Variants in NEBL observed in about 807,000 individuals in gnomAD.
NEBL encodes nebulette, also known as LIM and SH3 protein 2.
Under a neutral mutation model 140.2 loss-of-function variants are expected in NEBL, and 122 were observed. The ratio of observed to expected loss-of-function variants is 0.87; its 90% CI spans 0.75 to 1.01. NEBL has a LOEUF of 1.01. Among genes scored for constraint, NEBL ranks in the 50% least tolerant of loss-of-function variants. The pLI is 0.00. For synonymous variants in NEBL, 436 were observed against 398.9 expected, an observed-to-expected ratio of 1.09 and a Z score of -1.11; for missense variants, 1,365 against 1,231.3, an observed-to-expected ratio of 1.11 and a Z score of -1.62.
chr10:21,270,601 C>A (rs1842850344), intron 1 of NEBL, among the ~76,000 whole-genome samples: 1 of 152,158 alleles, frequency 6.6e-6, no homozygotes, highest in African/African-American at 2.4e-5. Context: ...ATCCTGACCT[C>A]AAGTGGTCTG....
chr10:20,810,224 C>G (rs1396318911), intron 24 of NEBL, among the ~76,000 whole-genome samples: 1 of 152,134 alleles, frequency 6.6e-6, no homozygotes, highest in Non-Finnish European at 1.5e-5. Flanking sequence ...ATATGCATCC[C>G]CTCACAGCAC....
chr10:21,037,373 T>A lies in NEBL; in HGVS notation c.165-17172A>T, dbSNP rs184278641. Among the ~76,000 whole-genome samples the A allele has an allele frequency of 9.9e-5, 15 of 152,074 alleles. 1 individual carries two copies. The highest frequency in any genetic ancestry group is 3.4e-4 in the African/African-American group (14 of 41,460). On this transcript the variant is annotated intron_variant, in intron 2 of 6. Transcript: ENST00000417816. Reference sequence around the variant, plus strand: ...ACCCTGAAAACCATTCAAGAGGATATGACATTACATGATTTTGAATATCAC... The same window carrying A: ...ACCCTGAAAACCATTCAAGAGGATAAGACATTACATGATTTTGAATATCAC...
chr10:20,828,462 G>GA, intron 17 of NEBL, 68 bp downstream of exon 17: 1 of 1,034,870 alleles, frequency 9.7e-7, no homozygotes. Flanking sequence ...AGACAATGAG[G>GA]AAAAAAGACC....
intron 18 of NEBL, among the ~76,000 whole-genome samples, chr10:20,824,329 T>A (rs1839634241): frequency 6.6e-6 from 1 of 152,144 alleles, no homozygotes; most frequent in Non-Finnish European, 1.5e-5. Context: ...ATGCAGACTG[T>A]CATAAAGAAA....
chr10:20,914,188 T>C (rs958704377), intron 4 of NEBL, among the ~76,000 whole-genome samples: 3 of 152,226 alleles, frequency 2.0e-5, no homozygotes, highest in Admixed American at 2.0e-4. Context: ...AAGAGACATT[T>C]AGCTGTGGAT....
At position 21,082,166 on chromosome 10, in the gene NEBL, G is replaced by T. The variant is rs1836396472; in HGVS notation, c.165-61965C>A. 2.0e-5 allele frequency among the ~76,000 whole-genome samples: 3 copies of T among 152,250 alleles called. No homozygotes were observed. The Middle Eastern group carries it at 0.01, about 518-fold the overall frequency. On this transcript the variant is annotated intron_variant, in intron 2 of 6. Coordinates refer to the NEBL transcript ENST00000417816. ...CTTAACTGGGCTTCAAAAGAGTCGT[G>T]AAAGTCACCAAGCAACGAAGGAACT...
At position 21,163,573 on chromosome 10, in the gene NEBL, A is replaced by C. The variant is rs74121076; in HGVS notation, c.164+8810T>G. ...GGCAACCTTCTAACTCCCGCTCCAC[A>C]TCCCAGATCTATAGACCCTTGGCTG... is the stretch of plus-strand genomic sequence containing the variant. On this transcript the variant is annotated intron_variant, in intron 2 of 6. Coordinates refer to the NEBL transcript ENST00000417816. Among the ~76,000 whole-genome samples the C allele has an allele frequency of 4.6e-3, 697 of 152,304 alleles. 7 individuals are homozygous for C. Among genetic ancestry groups the C allele is most frequent in the African/African-American group, 0.016 (662 of 41,564 alleles).
At chr10:20,853,810 T>A (rs911122558) in intron 9 of NEBL, among the ~76,000 whole-genome samples, 3 of 151,910 alleles carry the variant, frequency 2.0e-5, no homozygotes, top group African/African-American at 7.3e-5. Flanking sequence ...GAGTTTAAGA[T>A]CTAGTATTCA....
At chr10:20,831,976 C>T (rs2130912291) in intron 14 of NEBL, among the ~76,000 whole-genome samples, 1 of 152,244 alleles carries the variant, frequency 6.6e-6, no homozygotes, top group African/African-American at 2.4e-5. Flanking sequence ...TCTCTGGAAT[C>T]CACCCCTTTT....
At chr10:20,849,824 C>A (rs979688653) in intron 11 of NEBL, among the ~76,000 whole-genome samples, 1 of 152,140 alleles carries the variant, frequency 6.6e-6, no homozygotes, top group Non-Finnish European at 1.5e-5. Flanking sequence ...AAAACATTAA[C>A]ATTTACTGGA....
intron 4 of NEBL, among the ~76,000 whole-genome samples, chr10:20,927,122 C>T (rs1461141292): frequency 2.6e-5 from 4 of 152,124 alleles, no homozygotes; most frequent in African/African-American, 9.7e-5. Flanking sequence ...CGGAGGATAA[C>T]TAAGTTTCTA....
intron 9 of NEBL, among the ~76,000 whole-genome samples, chr10:20,852,957 G>A (rs1192150084): frequency 1.3e-5 from 2 of 152,140 alleles, no homozygotes; most frequent in Non-Finnish European, 2.9e-5. Context: ...TAGGACATGC[G>A]GAAAAAGGTA....
At chr10:20,921,690 T>G (rs916960974) in intron 4 of NEBL, among the ~76,000 whole-genome samples, 7 of 152,122 alleles carry the variant, frequency 4.6e-5, no homozygotes, top group Non-Finnish European at 1.0e-4. Flanking sequence ...TAAGTGGGTT[T>G]ACTTTGTTTC....
At chr10:20,855,292 G>A (rs967894992) in intron 9 of NEBL, among the ~76,000 whole-genome samples, 3 of 149,594 alleles carry the variant, frequency 2.0e-5, no homozygotes, top group Admixed American at 2.0e-4. Context: ...TAATAATACA[G>A]ACTTTATAAT....
intron 19 of NEBL, among the ~76,000 whole-genome samples, chr10:20,822,159 T>C (rs1056206341): frequency 1.3e-5 from 2 of 152,166 alleles, no homozygotes; most frequent in African/African-American, 2.4e-5. Flanking sequence ...ACAGTGAACA[T>C]AGCTATATAC....
At chr10:21,059,513 T>A (rs963605202) in intron 2 of NEBL, among the ~76,000 whole-genome samples, 1 of 152,236 alleles carries the variant, frequency 6.6e-6, no homozygotes, top group African/African-American at 2.4e-5. Flanking sequence ...GGAAGGGGAA[T>A]GACCTCTTGA....
intron 4 of NEBL, among the ~76,000 whole-genome samples, chr10:20,950,925 C>T (rs1320655461): frequency 6.6e-6 from 1 of 152,032 alleles, no homozygotes; most frequent in Non-Finnish European, 1.5e-5. Context: ...AATTCTAACA[C>T]CTTTATAATT....
chr10:21,042,661 GGA>G (rs1327268595), intron 2 of NEBL, among the ~76,000 whole-genome samples: 1 of 152,126 alleles, frequency 6.6e-6, no homozygotes, highest in African/African-American at 2.4e-5. Context: ...TACCATGGTG[GGA>G]GTATTTTTCA....
At chr10:21,227,724 TTCTTCTTCTTCTTC>T (rs1842183518) in intron 3 of NEBL, among the ~76,000 whole-genome samples, 7 of 88,196 alleles carry the variant, frequency 7.9e-5, no homozygotes, top group African/African-American at 3.2e-4. Context: ...CTTCTTCTTC[TTCTTCTTCTTCTTC>T]TTCTTCTTCT....
Sources: allele counts gnomAD v4.1 joint callset (sites outside exome capture counted in the v4.1 genomes callset), GRCh38; gene constraint gnomAD v4.1.1; transcripts MANE v1.5; gene names NCBI Gene and HGNC (gene_info 2026-07-23, HGNC 2026-07-21).